Variants in CUX2 observed in about 807,000 individuals in gnomAD.
CUX2 encodes homeobox protein cut-like 2.
CUX2 carries 40 observed loss-of-function variants against 144.8 expected under a neutral mutation model. The observed-to-expected ratio is 0.28, with a 90% CI of 0.21 to 0.36. The LOEUF (loss-of-function observed/expected upper bound fraction) is 0.36, where lower values mean the gene tolerates loss of function less well. Ranked by LOEUF, CUX2 falls within the 10% of genes least tolerant of loss-of-function variation. The pLI is 1.00. For synonymous variants in CUX2, 827 were observed against 875.6 expected (o/e 0.94, Z 0.98); for missense variants, 1,615 against 1,994.0 (o/e 0.81, Z 3.62).
chr12:111,085,679 A>C (rs555372943), intron 1 of CUX2, among the ~76,000 whole-genome samples: 22 of 152,230 alleles, frequency 1.4e-4, no homozygotes, highest in African/African-American at 4.8e-4. Context: ...TTCCGGGACC[A>C]TTTTTGCCAC....
At chr12:111,225,691 T>G (rs761634277) in intron 3 of CUX2, among the ~76,000 whole-genome samples, 3 of 152,204 alleles carry the variant, frequency 2.0e-5, no homozygotes, top group Non-Finnish European at 4.4e-5. Context: ...GCTGGAGATC[T>G]GCAGGTGGTT....
intron 18 of CUX2, among the ~76,000 whole-genome samples, chr12:111,323,005 A>G (rs979315473): frequency 5.9e-5 from 9 of 152,210 alleles, no homozygotes; most frequent in Non-Finnish European, 1.3e-4. Context: ...CCAGCTGCCC[A>G]TGATAGCACG....
Position 111,049,097 on chromosome 12 carries a change from T to TGTCCACTCATCCATCCATCC in CUX2, c.63+14858_63+14877dup, listed in dbSNP as rs1870135960. On this transcript the variant is annotated intron_variant, in intron 1 of 21. Transcript: ENST00000261726. Reference sequence around the variant, plus strand: ...TACTGATCTTAACTATCCATCCATCTGTCCACTCATCCATCCATCCCATGA... The same window carrying TGTCCACTCATCCATCCATCC: ...TACTGATCTTAACTATCCATCCATCTGTCCACTCATCCATCCATCCGTCCACTCATCCATCCATCCCATGA... Among the ~76,000 whole-genome samples the TGTCCACTCATCCATCCATCC allele has an allele frequency of 3.9e-5, 6 of 152,130 alleles. 1 individual carries two copies. The South Asian group carries it at 1.2e-3, about 32-fold the overall frequency.
At chr12:111,056,737 C>T (rs535123874) in intron 1 of CUX2, among the ~76,000 whole-genome samples, 1 of 152,324 alleles carries the variant, frequency 6.6e-6, no homozygotes, top group South Asian at 2.1e-4. Context: ...GGTCACCTTG[C>T]AGGAAGCCTT....
intron 1 of CUX2, among the ~76,000 whole-genome samples, chr12:111,194,973 C>G (rs1458549086): frequency 6.6e-6 from 1 of 152,156 alleles, no homozygotes; most frequent in Non-Finnish European, 1.5e-5. Context: ...CCATCTCCCT[C>G]TCCCCAACCC....
At chr12:111,111,569 A>T (rs1873961259) in intron 1 of CUX2, among the ~76,000 whole-genome samples, 1 of 152,202 alleles carries the variant, frequency 6.6e-6, no homozygotes, top group Admixed American at 6.5e-5. Flanking sequence ...ATCCTTTGGC[A>T]GTGATCTCAA....
chr12:111,340,420 T>C (rs947288984), intron 20 of CUX2, among the ~76,000 whole-genome samples: 6 of 151,794 alleles, frequency 4.0e-5, no homozygotes, highest in African/African-American at 1.5e-4. Context: ...ATCTAGAGGA[T>C]ATTGTAGGCT....
intron 16 of CUX2, among the ~76,000 whole-genome samples, chr12:111,317,438 A>G (rs1565914888): frequency 6.6e-6 from 1 of 152,132 alleles, no homozygotes; most frequent in African/African-American, 2.4e-5. Flanking sequence ...ATGTGTGTGT[A>G]TATTCATGCA....
At chr12:111,058,557 G>C (rs907354806) in intron 1 of CUX2, among the ~76,000 whole-genome samples, 1 of 152,028 alleles carries the variant, frequency 6.6e-6, no homozygotes, top group African/African-American at 2.4e-5. Context: ...GACAGAGAGA[G>C]AGAGAGAGAG....
At chr12:111,086,851 G>C (rs11833772) in intron 1 of CUX2, among the ~76,000 whole-genome samples, 135 of 152,196 alleles carry the variant, frequency 8.9e-4, no homozygotes, top group African/African-American at 3.0e-3. Context: ...AGGATCACTC[G>C]AGCCTAGGAG....
chr12:111,129,757 T>G (rs1443660229), intron 1 of CUX2, among the ~76,000 whole-genome samples: 1 of 152,228 alleles, frequency 6.6e-6, no homozygotes, highest in East Asian at 1.9e-4. Flanking sequence ...GCAGTTCTTG[T>G]GGCTTTCACT....
chr12:111,173,481 G>T (rs895753373), intron 1 of CUX2, among the ~76,000 whole-genome samples: 1 of 152,232 alleles, frequency 6.6e-6, no homozygotes, highest in Admixed American at 6.5e-5. Context: ...TTCTAGGCAC[G>T]ATGAGGTGCT....
rs543687494 is a variant in CUX2, at chr12:111,321,987, C to A, written c.2767-434C>A. ...GCACATGGCAGGCACCTATGAGGAA[C>A]AAATGAAGGCCGCCTGGACTCCAAC... On this transcript the variant is annotated intron_variant, in intron 17 of 21. Coordinates refer to ENST00000261726, the MANE Select transcript of CUX2 (RefSeq NM_015267.4). Among the ~76,000 whole-genome samples, 4 of 151,770 alleles carry A rather than the reference C, an allele frequency of 2.6e-5. No individual in the cohort carries two copies. In the East Asian group the frequency reaches 7.8e-4, roughly 30 times the overall value.
rs143575822 is a variant in CUX2, at chr12:111,347,972, G to A, written c.4108G>A (p.Gly1370Arg). ...SLHPQQESEA[G>R]ERLHPDPLSF... is the part of the protein sequence containing the mutation. ...TCATCCCCAACAGGAGAGTGAGGCC[G>A]GGGAGCGACTTCACCCGGACCCTTT... The change falls in exon 22 of 22, where the codon GGG (glycine) becomes AGG (arginine). Residue 1370 changes from glycine to arginine, a missense_variant. By Grantham distance (125) the Gly-to-Arg change is moderately radical (BLOSUM62 -2). Coordinates refer to ENST00000261726, the MANE Select transcript of CUX2 (RefSeq NM_015267.4). 3.0e-4 allele frequency: 492 copies of A among 1,614,062 alleles called. 5 individuals carry two copies. In the African/African-American group the frequency reaches 4.3e-3, roughly 14 times the overall value.
At position 111,265,076 on chromosome 12, in the gene CUX2, G is replaced by T. The variant is rs189116326; in HGVS notation, c.301+1237G>T. 2.6e-5 allele frequency among the ~76,000 whole-genome samples: 4 copies of T among 152,068 alleles called. No homozygotes were observed. In the South Asian group the frequency reaches 6.2e-4, roughly 24 times the overall value. On this transcript the variant is annotated intron_variant, in intron 4 of 21. Transcript: ENST00000261726. ...ACGTTAAAATGATAAATTTTCTGTT[G>T]TATGAATTTCACCTTAATTGAAAAA...
chr12:111,314,456 C>T (rs1887067672), intron 16 of CUX2, among the ~76,000 whole-genome samples: 1 of 152,038 alleles, frequency 6.6e-6, no homozygotes, highest in African/African-American at 2.4e-5. Flanking sequence ...GCCTGGACAA[C>T]ATGGTGAAAC....
intron 1 of CUX2, among the ~76,000 whole-genome samples, chr12:111,104,383 G>A (rs1873458619): frequency 6.6e-6 from 1 of 152,190 alleles, no homozygotes; most frequent in East Asian, 1.9e-4. Context: ...AGGTTTGTGG[G>A]CTAACAAAGT....
chr12:111,244,532 C>T (rs1028443667), intron 3 of CUX2, among the ~76,000 whole-genome samples: 9 of 152,348 alleles, frequency 5.9e-5, no homozygotes, highest in South Asian at 4.1e-4. Context: ...TTGCTGATCA[C>T]GACCCCGTGG....
At chr12:111,067,454 CAG>C (rs770900754) in intron 1 of CUX2, among the ~76,000 whole-genome samples, 12 of 152,196 alleles carry the variant, frequency 7.9e-5, no homozygotes, top group Non-Finnish European at 1.5e-4. Context: ...GGCTAAGAGA[CAG>C]AGTCCTGATT....
Sources: gnomAD v4.1 joint callset for allele counts (sites outside exome capture counted in the v4.1 genomes callset) on GRCh38, gnomAD v4.1.1 for gene constraint, MANE v1.5 for transcripts, NCBI Gene and HGNC (gene_info 2026-07-23, HGNC 2026-07-21) for gene names.